METTL15: variants seen among roughly 807,000 people sequenced by gnomAD.
The protein encoded by METTL15 is methyltransferase 15, mitochondrial 12S rRNA N4-cytidine.
In METTL15, 34 loss-of-function variants were observed where a neutral mutation model predicts 38.3. The ratio of observed to expected loss-of-function variants is 0.89; its 90% confidence interval spans 0.68 to 1.18. The LOEUF is 1.18. Ranked by LOEUF, METTL15 falls within the 50% of genes most tolerant of loss-of-function variation. The pLI, the probability that METTL15 is intolerant of heterozygous loss-of-function variation, is 0.00. For missense variants in METTL15, 438 were observed against 498.4 expected, an observed-to-expected ratio of 0.88 and a Z score of 1.15; for synonymous variants, 162 against 170.9, an observed-to-expected ratio of 0.95 and a Z score of 0.41.
intron 6 of METTL15, among the ~76,000 whole-genome samples, chr11:28,329,857 A>G (rs1849756315): frequency 6.6e-6 from 1 of 152,112 alleles, no homozygotes; most frequent in Non-Finnish European, 1.5e-5. Context: ...CTTCGTAAAC[A>G]GAGTGTTCTT....
At chr11:28,113,645 T>TA in intron 3 of METTL15, 41 bp downstream of exon 3, 1 of 1,584,310 alleles carries the variant, frequency 6.3e-7, no homozygotes, top group Non-Finnish European at 8.6e-7. Flanking sequence ...TTTGTTGAGA[T>TA]AAAATTCACT....
chr11:28,339,527 A>G (rs1163097713), intron 3 of METTL15, among the ~76,000 whole-genome samples: 1 of 146,198 alleles, frequency 6.8e-6, no homozygotes, highest in Non-Finnish European at 1.5e-5. Context: ...AGACATAAAG[A>G]GAATGCAAAA....
At chr11:28,278,052 G>C (rs1287062166) in intron 4 of METTL15, among the ~76,000 whole-genome samples, 4 of 152,122 alleles carry the variant, frequency 2.6e-5, no homozygotes, top group Non-Finnish European at 5.9e-5. Context: ...CTGACTTGAG[G>C]ATATGCATTA....
chr11:28,240,935 T>C (rs938439893), intron 4 of METTL15, among the ~76,000 whole-genome samples: 5 of 152,180 alleles, frequency 3.3e-5, no homozygotes, highest in Non-Finnish European at 7.3e-5. Context: ...TTTAAGAAGA[T>C]TTGATTGTCA....
intron 6 of METTL15, among the ~76,000 whole-genome samples, chr11:28,514,103 C>T (rs1406275652): frequency 6.6e-6 from 1 of 152,166 alleles, no homozygotes; most frequent in Admixed American, 6.5e-5. Context: ...TCCATTCCAC[C>T]CCTCCCCCAT....
At chr11:28,376,864 A>G (rs1590351177) in intron 5 of METTL15, among the ~76,000 whole-genome samples, 1 of 143,496 alleles carries the variant, frequency 7.0e-6, no homozygotes, top group African/African-American at 2.5e-5. Flanking sequence ...GGTGGTGCCA[A>G]AATCTCTCAG....
chr11:28,219,874 A>G (rs1321639851), intron 4 of METTL15, among the ~76,000 whole-genome samples: 1 of 151,998 alleles, frequency 6.6e-6, no homozygotes, highest in Non-Finnish European at 1.5e-5. Context: ...AGTGGTTTTG[A>G]GTGAGTTTCT....
chr11:28,409,578 C>A (rs1850707852), intron 5 of METTL15, among the ~76,000 whole-genome samples: 1 of 151,866 alleles, frequency 6.6e-6, no homozygotes, highest in South Asian at 2.1e-4. Context: ...TATCTTAAGA[C>A]AGATGACAAT....
intron 5 of METTL15, among the ~76,000 whole-genome samples, chr11:28,292,680 GT>G (rs1429024011): frequency 1.3e-5 from 2 of 152,144 alleles, no homozygotes; most frequent in African/African-American, 4.8e-5. Flanking sequence ...CACCAACAGT[GT>G]AAAAGTGTTC....
At chr11:28,390,564 C>G (rs543644189) in intron 5 of METTL15, among the ~76,000 whole-genome samples, 95 of 152,212 alleles carry the variant, frequency 6.2e-4, no homozygotes, top group African/African-American at 2.2e-3. Context: ...TTTCTGAGGG[C>G]TCTGTTCTGT....
intron 4 of METTL15, among the ~76,000 whole-genome samples, chr11:28,214,239 G>A (rs570679400): frequency 5.9e-4 from 90 of 151,882 alleles, no homozygotes; most frequent in African/African-American, 2.1e-3. Flanking sequence ...TCTCTATGTT[G>A]CCCAGGCTGG....
intron 6 of METTL15, among the ~76,000 whole-genome samples, chr11:28,485,109 T>A (rs949724789): frequency 8.7e-6 from 1 of 115,426 alleles, no homozygotes; most frequent in African/African-American, 4.0e-5. Flanking sequence ...CAAAATGAAG[T>A]TTTACACACA....
intron 4 of METTL15, among the ~76,000 whole-genome samples, chr11:28,277,081 G>A (rs1855871638): frequency 6.6e-6 from 1 of 152,142 alleles, no homozygotes; most frequent in South Asian, 2.1e-4. Context: ...CTTCTGCATA[G>A]CAAAAGAAAT....
intron 6 of METTL15, among the ~76,000 whole-genome samples, chr11:28,433,569 T>C (rs758311482): frequency 3.9e-5 from 6 of 152,134 alleles, no homozygotes; most frequent in Non-Finnish European, 7.3e-5. Flanking sequence ...CGCAAATTTC[T>C]TAGTTCACTG....
chr11:28,341,741 C>A (rs979223038), intron 3 of METTL15, among the ~76,000 whole-genome samples: 7 of 152,184 alleles, frequency 4.6e-5, no homozygotes, highest in African/African-American at 1.7e-4. Flanking sequence ...CACATCTCTA[C>A]TTACTTATCT....
intron 6 of METTL15, among the ~76,000 whole-genome samples, chr11:28,328,889 A>AT (rs1849725312): frequency 6.6e-6 from 1 of 151,864 alleles, no homozygotes; most frequent in Non-Finnish European, 1.5e-5. Context: ...TGATTTGCAA[A>AT]TTTTTTCCCA....
At chr11:28,273,629 AATAATT>A (rs1285698943) in intron 4 of METTL15, among the ~76,000 whole-genome samples, 4 of 152,200 alleles carry the variant, frequency 2.6e-5, no homozygotes, top group Non-Finnish European at 5.9e-5. Flanking sequence ...TAAAATTAAT[AATAATT>A]GAATTATAAA....
chr11:28,354,733 G>A (rs979632489), intron 4 of METTL15, among the ~76,000 whole-genome samples: 4 of 152,178 alleles, frequency 2.6e-5, no homozygotes, highest in Non-Finnish European at 2.9e-5. Context: ...AAATCGGTGA[G>A]TGGTGTAATA....
downstream of METTL15, among the ~76,000 whole-genome samples, chr11:28,333,777 G>T (rs1849874142): frequency 6.6e-6 from 1 of 151,728 alleles, no homozygotes; most frequent in East Asian, 1.9e-4. Flanking sequence ...TAAATTCATT[G>T]TAGTAAACTA....
Sources: gnomAD v4.1 joint callset for allele counts (sites outside exome capture counted in the v4.1 genomes callset) on GRCh38, gnomAD v4.1.1 for gene constraint, MANE v1.5 for transcripts, NCBI Gene and HGNC (gene_info 2026-07-23, HGNC 2026-07-21) for gene names.